TRIM39: variants seen among roughly 807,000 people sequenced by gnomAD.
TRIM39 encodes E3 ubiquitin-protein ligase TRIM39.
In TRIM39, 5 loss-of-function variants were observed where a neutral mutation model predicts 53.6. The ratio of observed to expected loss-of-function variants is 0.09; its 90% confidence interval spans 0.05 to 0.20. The LOEUF is 0.20. TRIM39 is among the 10% of genes least tolerant of loss of function. The pLI, the probability that TRIM39 is intolerant of heterozygous loss-of-function variation, is 1.00. For missense variants in TRIM39, 310 were observed against 621.0 expected (o/e 0.50, Z 5.32); for synonymous variants, 196 against 237.6 (o/e 0.82, Z 1.61).
rs968475404 is a variant in TRIM39 at position 30,338,792 on chromosome 6, G to T, written c.781-1116G>T. Among the ~76,000 whole-genome samples, 3 of 151,938 alleles carry T rather than the reference G, an allele frequency of 2.0e-5. No individual in the cohort carries two copies. Among genetic ancestry groups the T allele is most frequent in the Non-Finnish European group, 2.9e-5 (2 of 67,992 alleles). ...ATAAAGCGAGGTGCAATAAAATGAG[G>T]TATGCCTGAAATTGTTTAAATAATA... is the stretch of plus-strand genomic sequence containing the variant. On this transcript the variant is annotated intron_variant, in intron 5 of 7. Coordinates refer to ENST00000396551, the Ensembl canonical transcript of TRIM39. The surrounding 1 kb of genome is among the most constrained non-coding windows in gnomAD (Gnocchi z 4.0).
rs1056701695 is a variant in TRIM39, at chr6:30,335,457, G to A, written c.550-288G>A. 6.6e-6 allele frequency among the ~76,000 whole-genome samples: 1 copy of A among 152,042 alleles called. No homozygotes were observed. The highest frequency in any genetic ancestry group is 2.4e-5 in the African/African-American group (1 of 41,388). On this transcript the variant is annotated intron_variant, in intron 4 of 7. Coordinates refer to ENST00000396551, the Ensembl canonical transcript of TRIM39. The surrounding 1 kb of genome is among the most constrained non-coding windows in gnomAD (Gnocchi z 4.7). ...CCACCTCAGCCTCTCCAGTAGCTGG[G>A]ACTACAGGCATGCACCACCAGACTC...
chr6:30,328,208 A>G (rs1428210930), intron 1 of TRIM39, among the ~76,000 whole-genome samples: 2 of 152,254 alleles, frequency 1.3e-5, no homozygotes, highest in Non-Finnish European at 2.9e-5. Flanking sequence ...TTGGAGACAC[A>G]CTATGCCCAG....
chr6:30,330,484 C>G (rs1236866907), intron 3 of TRIM39, among the ~76,000 whole-genome samples: 1 of 151,938 alleles, frequency 6.6e-6, no homozygotes, highest in Non-Finnish European at 1.5e-5. Flanking sequence ...AGGCAGTTGC[C>G]TCAGTAAGAA....
intron 4 of TRIM39, among the ~76,000 whole-genome samples, chr6:30,334,459 A>C (rs980909927): frequency 8.5e-5 from 13 of 152,252 alleles, no homozygotes; most frequent in African/African-American, 3.1e-4. Context: ...GCTTAAAGAA[A>C]GCATGTTTCA....
chr6:30,340,652 A>G (rs1562423407), intron 7 of TRIM39, 32 bp downstream of exon 7: 1 of 1,593,456 alleles, frequency 6.3e-7, no homozygotes, highest in South Asian at 1.1e-5. Context: ...ACTAGAAGAA[A>G]CCACTAGAGA....
chr6:30,333,357 T>TG (rs1562409406), intron 4 of TRIM39, among the ~76,000 whole-genome samples: 1 of 140,374 alleles, frequency 7.1e-6, no homozygotes, highest in Non-Finnish European at 1.6e-5. Context: ...TTTGTGGTTT[T>TG]TTTTTTTTTT....
chr6:30,336,694 A>G (rs1786902247), intron 5 of TRIM39, among the ~76,000 whole-genome samples: 1 of 152,254 alleles, frequency 6.6e-6, no homozygotes, highest in South Asian at 2.1e-4. Context: ...ATTTGCAGTT[A>G]CTTACAACAT....
At chr6:30,331,285 C>CAA (rs369070285) in intron 4 of TRIM39, among the ~76,000 whole-genome samples, 1 of 90,836 alleles carries the variant, frequency 1.1e-5, no homozygotes. Flanking sequence ...ACAAAAAAAA[C>CAA]AAACAAAAAA....
chr6:30,333,896 G>C (rs1437002591), intron 4 of TRIM39, among the ~76,000 whole-genome samples: 2 of 152,118 alleles, frequency 1.3e-5, no homozygotes, highest in Non-Finnish European at 2.9e-5. Flanking sequence ...AAGATTACCG[G>C]TTTATAAGAG....
At chr6:30,336,007 G>T in intron 5 of TRIM39, 32 bp downstream of exon 5, 1 of 1,611,888 alleles carries the variant, frequency 6.2e-7, no homozygotes, top group South Asian at 1.1e-5. Flanking sequence ...AGCCCCTCAG[G>T]CTGAGTGCAG....
chr6:30,331,112 A>T (rs1435679317), intron 4 of TRIM39, among the ~76,000 whole-genome samples: 1 of 152,062 alleles, frequency 6.6e-6, no homozygotes, highest in Non-Finnish European at 1.5e-5. Flanking sequence ...TTTACTAAAA[A>T]CAAAAAATTA....
rs1238461127 is a variant in TRIM39 at position 30,335,843 on chromosome 6, A to G, written c.648A>G (p.Glu216=). 6.2e-7 allele frequency: 1 copy of G among 1,612,996 alleles called. No individual in the cohort carries two copies. The highest frequency in any genetic ancestry group is 1.7e-5 in the Admixed American group (1 of 60,022). ...AGCAGGTGTTGCTTTCACGACTGGAAGAAGAGGAACAGGACATTCTGCAGC... is the reference window on the plus strand; with the variant it reads ...AGCAGGTGTTGCTTTCACGACTGGAGGAAGAGGAACAGGACATTCTGCAGC... Residue 216 remains glutamate, a synonymous_variant, in exon 5 of 8, where the codon GAA becomes GAG. Coordinates refer to ENST00000396551, the Ensembl canonical transcript of TRIM39. This position sits in a 1 kb window ranked among gnomAD's most constrained non-coding sequence, Gnocchi z 4.7.
rs1786709681 is a variant in TRIM39, at chr6:30,335,260, T to C, written c.550-485T>C. Reference sequence around the variant, plus strand: ...CCAATGGAATAAAAAATGAGTGTTCTGTTAAACCATTTTCTCTCATTTTCT... The same window carrying C: ...CCAATGGAATAAAAAATGAGTGTTCCGTTAAACCATTTTCTCTCATTTTCT... On this transcript the variant is annotated intron_variant, in intron 4 of 7. Transcript: ENST00000396551. This position sits in a 1 kb window ranked among gnomAD's most constrained non-coding sequence, Gnocchi z 4.7. Among the ~76,000 whole-genome samples the C allele has an allele frequency of 6.6e-6, 1 of 152,216 alleles. No individual in the cohort carries two copies. The highest frequency in any genetic ancestry group is 1.5e-5 in the Non-Finnish European group (1 of 68,042).
rs17188512 is a variant in TRIM39, at chr6:30,333,830, T to C, written c.550-1915T>C. The stretch of plus-strand genomic sequence containing the variant: ...CTATTTCCAAAATATCCTCAGAGTG[T>C]GTTAACAGCTTCATCAAGAACCACT... On this transcript the variant is annotated intron_variant, in intron 4 of 7. Coordinates refer to ENST00000396551, the Ensembl canonical transcript of TRIM39. Among the ~76,000 whole-genome samples, 298 of 152,224 alleles carry C rather than the reference T, an allele frequency of 2.0e-3. 1 individual carries two copies. Among genetic ancestry groups the C allele is most frequent in the South Asian group, 7.0e-3 (34 of 4,824 alleles).
chr6:30,341,407 CTACATAG>C (rs751007580), intron 7 of TRIM39: 12 of 657,972 alleles, frequency 1.8e-5, no homozygotes, highest in Non-Finnish European at 3.2e-5. Flanking sequence ...TTGTACTTCT[CTACATAG>C]TGAGATAAAT....
In TRIM39 at chr6:30,342,691, G is replaced by A; in HGVS notation, c.*432G>A. The A allele has an allele frequency of 4.4e-6, 1 of 225,486 alleles. No individual in the cohort carries two copies. The highest frequency in any genetic ancestry group is 8.4e-5 in the South Asian group (1 of 11,904). 14.0% of individuals were successfully genotyped at this position (225,486 alleles called of 1,614,324 possible). A position where few individuals can be genotyped will look rare whatever the true frequency, so the allele number is the denominator to read the frequency against. On this transcript the variant is annotated 3_prime_UTR_variant, in exon 8 of 8. Transcript: ENST00000396551. This position sits in a 1 kb window ranked among gnomAD's most constrained non-coding sequence, Gnocchi z 4.7. The stretch of plus-strand genomic sequence containing the variant: ...TTGCTTCTTGAGGTAGATCACAGGG[G>A]TCTGTGTACCTCTGAATTCATGAGA...
At chr6:30,330,150 G>A (rs973859413) in intron 3 of TRIM39, among the ~76,000 whole-genome samples, 4 of 152,140 alleles carry the variant, frequency 2.6e-5, no homozygotes, top group Non-Finnish European at 5.9e-5. Flanking sequence ...CTGGTTATTG[G>A]GCATAGGTAA....
In TRIM39 at chr6:30,342,735, T is replaced by C. The variant is rs943173906; in HGVS notation, c.*476T>C. ...CATGAGAGATGAATGACAGATGCTCTCATGGGTCTAGATATTGAGGAGTTT... is the reference window on the plus strand; with the variant it reads ...CATGAGAGATGAATGACAGATGCTCCCATGGGTCTAGATATTGAGGAGTTT... On this transcript the variant is annotated 3_prime_UTR_variant, in exon 8 of 8. Coordinates refer to ENST00000396551, the Ensembl canonical transcript of TRIM39. The surrounding 1 kb of genome is among the most constrained non-coding windows in gnomAD (Gnocchi z 4.7). The C allele has an allele frequency of 1.7e-5, 3 of 180,618 alleles. No homozygotes were observed. Among genetic ancestry groups the C allele is most frequent in the Non-Finnish European group, 3.5e-5 (3 of 85,860 alleles). The allele number at this position is 180,618 out of a possible 1,614,324, so 11.2% of individuals were successfully genotyped here.
At chr6:30,329,405 T>C (rs1213986457) in exon 3 of TRIM39, 4 of 1,613,048 alleles carry the variant, frequency 2.5e-6, no homozygotes, top group Non-Finnish European at 3.4e-6. Flanking sequence ...GGCGAGCTGC[T>C]CTGTGTGCCT....
Sources: gnomAD v4.1 joint callset for allele counts (sites outside exome capture counted in the v4.1 genomes callset) on GRCh38, gnomAD v4.1.1 for gene constraint, Gnocchi (gnomAD v3.1) non-coding constraint, MANE v1.5 for transcripts, NCBI Gene and HGNC (gene_info 2026-07-23, HGNC 2026-07-21) for gene names.